The following NEMP2 variants were observed in gnomAD, a reference collection of about 807,000 sequenced individuals.
NEMP2 encodes the protein nuclear envelope integral membrane protein 2, also known as UPF0571 transmembrane protein.
A neutral mutation model predicts 54.2 loss-of-function variants in NEMP2; 53 were observed. That is an observed-to-expected ratio of 0.98 (90% CI 0.78 to 1.23). The LOEUF (loss-of-function observed/expected upper bound fraction) is 1.23, where lower values mean the gene tolerates loss of function less well. Among genes scored for constraint, NEMP2 ranks in the 50% most tolerant of loss-of-function variants. NEMP2 has a pLI of 0.00. For synonymous variants in NEMP2, 197 were observed against 190.3 expected, an observed-to-expected ratio of 1.04 and a Z score of -0.29; for missense variants, 455 against 511.3, an observed-to-expected ratio of 0.89 and a Z score of 1.06.
chr2:190,426,477 G>C, the NEMP2 span, among the ~76,000 whole-genome samples: 84 of 151,970 alleles, frequency 5.5e-4, 1 homozygote, highest in African/African-American at 2.0e-3. The surrounding 1 kb of genome is among the most constrained non-coding windows in gnomAD (Gnocchi z 4.7). Context: ...TTTTAGGATG[G>C]CTTTTTAAAA....
downstream of NEMP2, chr2:190,500,857 A>T (rs889636665): frequency 6.6e-6 from 1 of 152,244 alleles, no homozygotes; most frequent in African/African-American, 2.4e-5. The surrounding 1 kb of genome is among the most constrained non-coding windows in gnomAD (Gnocchi z 5.3). Context: ...AATGGAAATA[A>T]TTCTTTGAGC....
At chr2:190,430,806 C>A in the NEMP2 span, among the ~76,000 whole-genome samples, 10 of 146,184 alleles carry the variant, frequency 6.8e-5, no homozygotes, top group Admixed American at 4.1e-4. Context: ...GCGCCCCCCC[C>A]ACCTCCCTCC....
chr2:190,641,734 C>A, the NEMP2 span, among the ~76,000 whole-genome samples: 1 of 152,076 alleles, frequency 6.6e-6, no homozygotes, highest in Non-Finnish European at 1.5e-5. Context: ...GTGGCTGACA[C>A]CTAAAACAGT....
chr2:190,424,398 C>G, the NEMP2 span, among the ~76,000 whole-genome samples: 2 of 151,968 alleles, frequency 1.3e-5, no homozygotes, highest in African/African-American at 4.8e-5. The surrounding 1 kb of genome is among the most constrained non-coding windows in gnomAD (Gnocchi z 5.9). Context: ...TGCAATGGCT[C>G]TGTCTCGGCT....
chr2:190,601,437 A>C, the NEMP2 span, among the ~76,000 whole-genome samples: 5 of 152,138 alleles, frequency 3.3e-5, no homozygotes, highest in African/African-American at 9.7e-5. This position sits in a 1 kb window ranked among gnomAD's most constrained non-coding sequence, Gnocchi z 5.8. Context: ...GCTGTGTAAC[A>C]ATGTGGCAAT....
chr2:190,579,087 T>C, the NEMP2 span, among the ~76,000 whole-genome samples: 1 of 149,452 alleles, frequency 6.7e-6, no homozygotes, highest in Non-Finnish European at 1.5e-5. Context: ...GTCTAGTGAA[T>C]AGAACTGTAA....
At chr2:190,619,749 G>A in the NEMP2 span, among the ~76,000 whole-genome samples, 1 of 152,052 alleles carries the variant, frequency 6.6e-6, no homozygotes, top group Non-Finnish European at 1.5e-5. The surrounding 1 kb of genome is among the most constrained non-coding windows in gnomAD (Gnocchi z 5.5). Flanking sequence ...GGCAGCCAGG[G>A]GCAGAACTTA....
In NEMP2 at chr2:190,510,245, T is replaced by C; in HGVS notation, c.1130+116A>G. 4 of 1,240,894 alleles carry C rather than the reference T, an allele frequency of 3.2e-6. No individual in the cohort carries two copies. The highest frequency in any genetic ancestry group is 4.4e-6 in the Non-Finnish European group (4 of 903,194). 76.9% of individuals were successfully genotyped at this position (1,240,894 alleles called of 1,614,324 possible). On this transcript the variant is annotated intron_variant, in intron 8 of 8. Transcript: ENST00000409150. This position sits in a 1 kb window ranked among gnomAD's most constrained non-coding sequence, Gnocchi z 5.7. ...GGGACCTCTGACAACTTCCACATCA[T>C]CTGTTATCCAGGGAAACAGTCTATT...
In NEMP2 at chr2:190,511,981, A is replaced by G. The variant is rs976082046; in HGVS notation, c.954-1444T>C. On this transcript the variant is annotated intron_variant, in intron 7 of 8. Coordinates refer to ENST00000409150, the MANE Select transcript of NEMP2 (RefSeq NM_001142645.2). ...GATATATTTATATAATATATATTTA[A>G]GTATATATATATTTTTTCTTGAGGG... 2.7e-5 allele frequency among the ~76,000 whole-genome samples: 4 copies of G among 149,882 alleles called. No individual in the cohort carries two copies. In the Admixed American group the frequency reaches 2.7e-4, roughly 10 times the overall value.
the NEMP2 span, among the ~76,000 whole-genome samples, chr2:190,475,493 C>G: frequency 6.6e-6 from 1 of 152,054 alleles, no homozygotes; most frequent in Admixed American, 6.6e-5. Context: ...ACCTAGGAAT[C>G]CAACTTATAA....
the NEMP2 span, among the ~76,000 whole-genome samples, chr2:190,582,062 T>C: frequency 6.6e-6 from 1 of 152,196 alleles, no homozygotes; most frequent in South Asian, 2.1e-4. The surrounding 1 kb of genome is among the most constrained non-coding windows in gnomAD (Gnocchi z 4.6). Context: ...GACTGTATCA[T>C]AGTAAGGATA....
chr2:190,614,760 A>G, the NEMP2 span, among the ~76,000 whole-genome samples: 1 of 152,236 alleles, frequency 6.6e-6, no homozygotes, highest in African/African-American at 2.4e-5. The surrounding 1 kb of genome is among the most constrained non-coding windows in gnomAD (Gnocchi z 5.7). Flanking sequence ...ACCAAAATGC[A>G]AAGCAGGTGT....
chr2:190,480,817 C>T, the NEMP2 span, among the ~76,000 whole-genome samples: 13 of 152,116 alleles, frequency 8.5e-5, no homozygotes, highest in African/African-American at 2.9e-4. Context: ...AGCACAGTAC[C>T]TGACCCACAG....
the NEMP2 span, among the ~76,000 whole-genome samples, chr2:190,465,878 A>C: frequency 6.6e-6 from 1 of 152,214 alleles, no homozygotes; most frequent in Non-Finnish European, 1.5e-5. The surrounding 1 kb of genome is among the most constrained non-coding windows in gnomAD (Gnocchi z 4.6). Flanking sequence ...CTGTAATCTC[A>C]GCTACTTGGG....
At chr2:190,453,222 C>G in the NEMP2 span, among the ~76,000 whole-genome samples, 12 of 152,118 alleles carry the variant, frequency 7.9e-5, no homozygotes, top group African/African-American at 2.7e-4. Context: ...AGTTATATTA[C>G]AGATTAGGTA....
At chr2:190,553,319 C>G in the NEMP2 span, 2 of 152,198 alleles carry the variant, frequency 1.3e-5, no homozygotes, top group Non-Finnish European at 2.9e-5. Flanking sequence ...ACTCTTACCA[C>G]CTCTACCTGC....
the NEMP2 span, among the ~76,000 whole-genome samples, chr2:190,546,722 G>A: frequency 6.6e-6 from 1 of 152,046 alleles, no homozygotes. This position sits in a 1 kb window ranked among gnomAD's most constrained non-coding sequence, Gnocchi z 5.1. Flanking sequence ...CTTAGCAATA[G>A]AGTCAAGAAA....
At chr2:190,430,772 G>A in the NEMP2 span, among the ~76,000 whole-genome samples, 4 of 144,004 alleles carry the variant, frequency 2.8e-5, no homozygotes, top group Admixed American at 7.3e-5. Context: ...TCACTTCCCA[G>A]AAGGGGCGGC....
At chr2:190,534,520 G>A in intron 1 of NEMP2, 39 bp downstream of exon 1, 1 of 1,366,222 alleles carries the variant, frequency 7.3e-7, no homozygotes, top group Non-Finnish European at 9.4e-7. Flanking sequence ...CGGGGAGCGA[G>A]CACGCACGCG....
Sources: allele counts gnomAD v4.1 joint callset (sites outside exome capture counted in the v4.1 genomes callset), GRCh38; gene constraint gnomAD v4.1.1; non-coding constraint Gnocchi (gnomAD v3.1); transcripts MANE v1.5; gene names NCBI Gene and HGNC (gene_info 2026-07-23, HGNC 2026-07-21).